HRH1: variants seen among roughly 807,000 people sequenced by gnomAD.
HRH1 encodes the protein histamine H1 receptor.
Under a neutral mutation model 10.3 loss-of-function variants are expected in HRH1, and 6 were observed. The observed-to-expected ratio is 0.58, with a 90% confidence interval of 0.32 to 1.15. The LOEUF (loss-of-function observed/expected upper bound fraction) is 1.15. Ranked by LOEUF, HRH1 falls within the 50% of genes most tolerant of loss-of-function variation. The probability of loss-of-function intolerance (pLI) is 0.05; values close to 1 mark genes in which losing one functional copy is unlikely to be tolerated. For synonymous variants in HRH1, 242 were observed against 236.7 expected (o/e 1.02, Z -0.21); for missense variants, 514 against 615.3 (o/e 0.84, Z 1.74).
intron 1 of HRH1, among the ~76,000 whole-genome samples, chr3:11,174,619 C>G (rs1340964828): frequency 6.6e-6 from 1 of 152,238 alleles, no homozygotes; most frequent in Non-Finnish European, 1.5e-5. Flanking sequence ...AATTCCCAAT[C>G]TCCACTCCAA....
At chr3:11,212,506 A>G (rs1040280978) in intron 1 of HRH1, among the ~76,000 whole-genome samples, 1 of 152,188 alleles carries the variant, frequency 6.6e-6, no homozygotes, top group Non-Finnish European at 1.5e-5. Context: ...CACTGGGGCT[A>G]TCACGGGGCC....
intron 1 of HRH1, among the ~76,000 whole-genome samples, chr3:11,225,610 C>T (rs1478460081): frequency 6.6e-6 from 1 of 152,262 alleles, no homozygotes; most frequent in Non-Finnish European, 1.5e-5. Flanking sequence ...CTCAGACCCA[C>T]ATGTGACACC....
chr3:11,201,936 C>T (rs1575007152), intron 1 of HRH1, among the ~76,000 whole-genome samples: 2 of 152,344 alleles, frequency 1.3e-5, no homozygotes, highest in Admixed American at 1.3e-4. Flanking sequence ...GCCAAATTGC[C>T]TGGGCTGGCT....
chr3:11,191,058 C>A (rs1937523763), intron 1 of HRH1, among the ~76,000 whole-genome samples: 1 of 152,146 alleles, frequency 6.6e-6, no homozygotes, highest in South Asian at 2.1e-4. Flanking sequence ...GCAGCCTCCA[C>A]CCTTGGCTCA....
rs534721822 is a variant in HRH1 at position 11,168,947 on chromosome 3, G to A, written c.-36+14393G>A. ...TAAATCCCCATAGCCCCACAGAGCAGTGGGACTTCCAGTTCCTTTGCAGAG... is the reference window on the plus strand; with the variant it reads ...TAAATCCCCATAGCCCCACAGAGCAATGGGACTTCCAGTTCCTTTGCAGAG... On this transcript the variant is annotated intron_variant, in intron 1 of 1. Coordinates refer to ENST00000431010, the MANE Select transcript of HRH1 (RefSeq NM_001098212.2). Among the ~76,000 whole-genome samples the A allele has an allele frequency of 5.9e-5, 9 of 152,318 alleles. 1 individual carries two copies. The highest frequency in any genetic ancestry group is 5.9e-4 in the Admixed American group (9 of 15,312).
chr3:11,172,674 T>C (rs1303103291), intron 1 of HRH1, among the ~76,000 whole-genome samples: 3 of 151,450 alleles, frequency 2.0e-5, no homozygotes, highest in Non-Finnish European at 4.4e-5. Context: ...AAGCAAAGCC[T>C]TGAAAATACT....
At position 11,262,431 on chromosome 3, in the gene HRH1, C is replaced by T. The variant is rs1235998032; in HGVS notation, c.*1930C>T. ...CTCATCACATTTGTAAATGTCTTTT[C>T]AAAAGGATTTACTTTTTGTAAAAAG... On this transcript the variant is annotated 3_prime_UTR_variant, in exon 2 of 2. Transcript: ENST00000431010. The T allele has an allele frequency of 6.0e-6, 1 of 167,062 alleles. No homozygotes were observed. Among genetic ancestry groups the T allele is most frequent in the Non-Finnish European group, 1.5e-5 (1 of 68,094 alleles). 10.3% of individuals were successfully genotyped at this position (167,062 alleles called of 1,614,324 possible). A position where few individuals can be genotyped will look rare whatever the true frequency, so the allele number is the denominator to read the frequency against.
chr3:11,226,208 C>T (rs1412871773), intron 1 of HRH1: 2 of 151,898 alleles, frequency 1.3e-5, no homozygotes, highest in African/African-American at 4.8e-5. Context: ...ACCCTCCCTC[C>T]GTTTCCGGAG....
chr3:11,174,877 T>A (rs60240806), intron 1 of HRH1, among the ~76,000 whole-genome samples: 6,194 of 152,234 alleles, frequency 0.041, 248 homozygotes, highest in African/African-American at 0.1. Flanking sequence ...TCTGGGTAGC[T>A]GTTGGGCAAT....
rs200891226 is a variant in HRH1 at position 11,259,895 on chromosome 3, A to G, written c.858A>G (p.Pro286=). 10 of 1,614,086 alleles carry G rather than the reference A, an allele frequency of 6.2e-6. No individual in the cohort carries two copies. Among genetic ancestry groups the G allele is most frequent in the South Asian group, 2.2e-5 (2 of 91,096 alleles). The change falls in exon 2 of 2, where the codon CCA becomes CCG. Residue 286 remains proline, a synonymous_variant. Coordinates refer to ENST00000431010, the MANE Select transcript of HRH1 (RefSeq NM_001098212.2). The surrounding 1 kb of genome is among the most constrained non-coding windows in gnomAD (Gnocchi z 4.6). ...AAACCCCCAAGGAGATGAAATCCCC[A>G]GTTGTCTTCAGCCAAGAGGATGATA... ...PSQTPKEMKS[P]VVFSQEDDRE...
At chr3:11,230,847 G>A (rs1309764297) in intron 1 of HRH1, among the ~76,000 whole-genome samples, 1 of 151,552 alleles carries the variant, frequency 6.6e-6, no homozygotes, top group Non-Finnish European at 1.5e-5. Flanking sequence ...AAATAATATA[G>A]AGGAATCCTG....
chr3:11,247,682 CGAA>C (rs147055402), intron 1 of HRH1, among the ~76,000 whole-genome samples: 6,330 of 152,128 alleles, frequency 0.042, 418 homozygotes, highest in African/African-American at 0.14. Context: ...TAAAGCTTTT[CGAA>C]GAAGAATTTA....
intron 1 of HRH1, among the ~76,000 whole-genome samples, chr3:11,198,210 A>T (rs1575004194): frequency 6.6e-6 from 1 of 151,914 alleles, no homozygotes; most frequent in Non-Finnish European, 1.5e-5. Context: ...GACATCCCCT[A>T]CCTTGCCCGC....
At chr3:11,159,962 C>A (rs151073076) in intron 1 of HRH1, among the ~76,000 whole-genome samples, 2 of 152,336 alleles carry the variant, frequency 1.3e-5, no homozygotes, top group East Asian at 3.9e-4. Flanking sequence ...AGAGCCCAGC[C>A]TTGGACTCTG....
At chr3:11,153,599 A>AT (rs1387557154), upstream of HRH1, among the ~76,000 whole-genome samples, 2 of 151,172 alleles carry the variant, frequency 1.3e-5, no homozygotes, top group African/African-American at 2.4e-5. Context: ...ATCTGAAACC[A>AT]TAACTGTTCA....
chr3:11,179,769 CT>C (rs777856916), intron 1 of HRH1, among the ~76,000 whole-genome samples: 1,802 of 131,484 alleles, frequency 0.014, 30 homozygotes, highest in East Asian at 0.096. Flanking sequence ...GTGTGTGTGG[CT>C]TTTTTTTTTT....
At chr3:11,191,661 C>T (rs781609951) in intron 1 of HRH1, among the ~76,000 whole-genome samples, 2 of 152,202 alleles carry the variant, frequency 1.3e-5, no homozygotes. Flanking sequence ...ATGGAGACAG[C>T]CCCAGACTCA....
At chr3:11,258,094 C>T (rs187962803) in intron 1 of HRH1, among the ~76,000 whole-genome samples, 7 of 152,216 alleles carry the variant, frequency 4.6e-5, no homozygotes, top group Admixed American at 1.3e-4. Context: ...ACATAATCCC[C>T]TTCTCACTTG....
chr3:11,254,501 T>C (rs1021890562), intron 1 of HRH1, among the ~76,000 whole-genome samples: 3 of 151,994 alleles, frequency 2.0e-5, no homozygotes, highest in Admixed American at 2.0e-4. Flanking sequence ...GCCCCCAAGG[T>C]TTTTCTTACC....
Sources: allele counts gnomAD v4.1 joint callset (sites outside exome capture counted in the v4.1 genomes callset), GRCh38; gene constraint gnomAD v4.1.1; non-coding constraint Gnocchi (gnomAD v3.1); transcripts MANE v1.5; gene names NCBI Gene and HGNC (gene_info 2026-07-23, HGNC 2026-07-21).